NXN: variants seen among roughly 807,000 people sequenced by gnomAD.
NXN encodes the protein nucleoredoxin 1.
A neutral mutation model predicts 48.6 loss-of-function variants in NXN; 16 were observed. The ratio of observed to expected loss-of-function variants is 0.33; its 90% CI spans 0.22 to 0.50. The LOEUF is 0.50. NXN is among the 20% of genes least tolerant of loss of function. The pLI is 0.98. For missense variants in NXN, 492 were observed against 605.5 expected, an observed-to-expected ratio of 0.81 and a Z score of 1.97; for synonymous variants, 281 against 269.6, an observed-to-expected ratio of 1.04 and a Z score of -0.41.
At chr17:909,902 G>A (rs1403531138) in intron 1 of NXN, 2 of 152,138 alleles carry the variant, frequency 1.3e-5, no homozygotes, top group East Asian at 1.9e-4. Flanking sequence ...AAAACAGCGC[G>A]TGACAGAGGA....
intron 1 of NXN, among the ~76,000 whole-genome samples, chr17:954,900 T>C (rs1192723982): frequency 6.6e-6 from 1 of 152,246 alleles, no homozygotes; most frequent in Non-Finnish European, 1.5e-5. Context: ...TTCCCCCTCT[T>C]AAGAGCTCTG....
intron 1 of NXN, among the ~76,000 whole-genome samples, chr17:829,318 C>A (rs1249943158): frequency 1.3e-5 from 2 of 151,810 alleles, no homozygotes; most frequent in Non-Finnish European, 2.9e-5. Context: ...ACCTTGCCGG[C>A]TAATTTTTCT....
intron 1 of NXN, among the ~76,000 whole-genome samples, chr17:861,252 G>T (rs1319813647): frequency 6.6e-6 from 1 of 152,128 alleles, no homozygotes; most frequent in East Asian, 1.9e-4. Context: ...GTGTGGCTCG[G>T]CCTCCTGAGT....
chr17:965,324 G>A (rs1183990972), intron 1 of NXN, among the ~76,000 whole-genome samples: 1 of 152,150 alleles, frequency 6.6e-6, no homozygotes, highest in South Asian at 2.1e-4. Flanking sequence ...AGCTGGACTC[G>A]ACATCAACCC....
intron 1 of NXN, among the ~76,000 whole-genome samples, chr17:837,982 G>A (rs569902758): frequency 2.6e-4 from 39 of 152,280 alleles, no homozygotes; most frequent in African/African-American, 8.2e-4. Context: ...CAAAGCCACC[G>A]AGCATGATAT....
At chr17:852,255 C>T (rs978873493) in intron 1 of NXN, among the ~76,000 whole-genome samples, 8 of 152,184 alleles carry the variant, frequency 5.3e-5, no homozygotes, top group African/African-American at 9.7e-5. Context: ...GTCCCATCAG[C>T]GAGAACCTGC....
chr17:977,853 T>C (rs913163219), intron 1 of NXN, among the ~76,000 whole-genome samples: 4 of 152,240 alleles, frequency 2.6e-5, no homozygotes, highest in Non-Finnish European at 4.4e-5. Context: ...ATTCATACTA[T>C]ATCAAGCATG....
At chr17:885,284 T>C (rs1388042901) in intron 1 of NXN, among the ~76,000 whole-genome samples, 3 of 151,930 alleles carry the variant, frequency 2.0e-5, no homozygotes, top group Non-Finnish European at 4.4e-5. Flanking sequence ...AAGAGACCAG[T>C]CTGGCCAACA....
At chr17:947,007 G>A (rs368785909) in intron 1 of NXN, among the ~76,000 whole-genome samples, 18 of 152,290 alleles carry the variant, frequency 1.2e-4, no homozygotes, top group East Asian at 3.9e-4. Flanking sequence ...TCGGCCCCAC[G>A]GTGCGTCCTC....
rs1216493403 is a variant in NXN at position 917,349 on chromosome 17, G to T, written c.360+61970C>A. Among the ~76,000 whole-genome samples the T allele has an allele frequency of 1.3e-5, 2 of 152,154 alleles. No homozygotes were observed. The highest frequency in any genetic ancestry group is 2.9e-5 in the Non-Finnish European group (2 of 68,008). On this transcript the variant is annotated intron_variant, in intron 1 of 7. Transcript: ENST00000336868. The surrounding 1 kb of genome is among the most constrained non-coding windows in gnomAD (Gnocchi z 4.5). Reference sequence around the variant, plus strand: ...GTAGAGACGGGGTTTCACCATGTTGGCCAGGCTGGTCTCAATCTCTTGACC... The same window carrying T: ...GTAGAGACGGGGTTTCACCATGTTGTCCAGGCTGGTCTCAATCTCTTGACC...
At position 917,409 on chromosome 17, in the gene NXN, G is replaced by A. The variant is rs2068699845; in HGVS notation, c.360+61910C>T. On this transcript the variant is annotated intron_variant, in intron 1 of 7. Coordinates refer to ENST00000336868, the MANE Select transcript of NXN (RefSeq NM_022463.5). This position sits in a 1 kb window ranked among gnomAD's most constrained non-coding sequence, Gnocchi z 4.5. ...GCCTGCCTTGGCCTCTGAAAGTGCT[G>A]GGCCTCTGAAAGAACAGGCGGGAGC... Among the ~76,000 whole-genome samples the A allele has an allele frequency of 6.6e-6, 1 of 152,216 alleles. No individual in the cohort carries two copies. Among genetic ancestry groups the A allele is most frequent in the Non-Finnish European group, 1.5e-5 (1 of 68,036 alleles).
chr17:962,026 T>C (rs540818139), intron 1 of NXN, among the ~76,000 whole-genome samples: 30 of 152,112 alleles, frequency 2.0e-4, no homozygotes, highest in Non-Finnish European at 3.5e-4. Flanking sequence ...TCCCAGCTAC[T>C]CAGGAGGCTG....
intron 1 of NXN, among the ~76,000 whole-genome samples, chr17:944,825 G>A (rs929525021): frequency 2.0e-5 from 3 of 152,016 alleles, no homozygotes; most frequent in African/African-American, 4.8e-5. Flanking sequence ...TTGTTAAATC[G>A]TGGCCAACGG....
At chr17:832,892 G>A (rs368062811) in intron 1 of NXN, among the ~76,000 whole-genome samples, 5 of 151,854 alleles carry the variant, frequency 3.3e-5, no homozygotes, top group African/African-American at 9.7e-5. Flanking sequence ...CACATCTGAC[G>A]CTTTTTATTT....
intron 5 of NXN, among the ~76,000 whole-genome samples, chr17:810,070 T>C (rs74709182): frequency 2.1e-5 from 2 of 96,436 alleles, no homozygotes; most frequent in Non-Finnish European, 4.1e-5. Context: ...TCCCTGTGAG[T>C]GGCGTGCACG....
At chr17:922,714 C>T (rs1255287165) in intron 1 of NXN, among the ~76,000 whole-genome samples, 3 of 151,814 alleles carry the variant, frequency 2.0e-5, no homozygotes, top group African/African-American at 7.3e-5. Context: ...TGCAGTGGTG[C>T]GATCTCGGCT....
rs374090465 is a variant in NXN at position 800,927 on chromosome 17, G to A, written c.*22C>T. The A allele has an allele frequency of 5.6e-5, 79 of 1,408,192 alleles. No individual in the cohort carries two copies. The highest frequency in any genetic ancestry group is 5.5e-4 in the East Asian group (20 of 36,636). The allele number at this position is 1,408,192 out of a possible 1,614,324, so 87.2% of individuals were successfully genotyped here. ...AGGAGAAGGCTGAGTTTTAAATAACGTCTCAGGAGGCCGGAGCCACGCTAG... is the reference window on the plus strand; with the variant it reads ...AGGAGAAGGCTGAGTTTTAAATAACATCTCAGGAGGCCGGAGCCACGCTAG... On this transcript the variant is annotated 3_prime_UTR_variant, in exon 8 of 8. Coordinates refer to ENST00000336868, the MANE Select transcript of NXN (RefSeq NM_022463.5).
chr17:818,608 G>A (rs533450039), intron 5 of NXN, among the ~76,000 whole-genome samples: 8 of 152,272 alleles, frequency 5.3e-5, no homozygotes, highest in Non-Finnish European at 7.4e-5. Context: ...ACCATGGGCC[G>A]GGTGCAGTGG....
chr17:966,984 A>G (rs1567524082), intron 1 of NXN, among the ~76,000 whole-genome samples: 1 of 152,086 alleles, frequency 6.6e-6, no homozygotes. Flanking sequence ...AGGACGGCTG[A>G]GGTCAGAATG....
Sources: allele counts gnomAD v4.1 joint callset (sites outside exome capture counted in the v4.1 genomes callset), GRCh38; gene constraint gnomAD v4.1.1; non-coding constraint Gnocchi (gnomAD v3.1); transcripts MANE v1.5; gene names NCBI Gene and HGNC (gene_info 2026-07-23, HGNC 2026-07-21).